The following KLRD1 variants were observed in gnomAD, a reference collection of about 807,000 sequenced individuals.
KLRD1 encodes the protein natural killer cells antigen CD94.
Under a neutral mutation model 22.6 loss-of-function variants are expected in KLRD1, and 21 were observed. The observed-to-expected ratio is 0.93, with a 90% confidence interval of 0.66 to 1.34. The LOEUF is 1.34. Ranked by LOEUF, KLRD1 falls within the 40% of genes most tolerant of loss-of-function variation. KLRD1 has a pLI of 0.00. For missense variants in KLRD1, 183 were observed against 208.6 expected (o/e 0.88, Z 0.76); for synonymous variants, 59 against 71.1 (o/e 0.83, Z 0.85).
chr12:10,290,727 G>A (rs1274490733), intron 1 of KLRD1, among the ~76,000 whole-genome samples: 1 of 152,168 alleles, frequency 6.6e-6, no homozygotes, highest in Non-Finnish European at 1.5e-5. Context: ...CCATGCTGCA[G>A]AGTAACAAAA....
chr12:10,251,777 G>A (rs760184984), intron 1 of KLRD1, among the ~76,000 whole-genome samples: 2 of 151,902 alleles, frequency 1.3e-5, no homozygotes, highest in African/African-American at 4.8e-5. Context: ...TAGATCCCTC[G>A]CATGTGCAGT....
chr12:10,300,183 C>T (rs1265774997), upstream of KLRD1, among the ~76,000 whole-genome samples: 1 of 152,148 alleles, frequency 6.6e-6, no homozygotes, highest in African/African-American at 2.4e-5. Context: ...GTGACTCCAT[C>T]CCAGAAAGTT....
At chr12:10,255,987 A>G (rs1949391628) in intron 1 of KLRD1, among the ~76,000 whole-genome samples, 1 of 152,082 alleles carries the variant, frequency 6.6e-6, no homozygotes, top group Admixed American at 6.5e-5. Context: ...AGTTTGTTTC[A>G]TATATTTAAA....
intron 1 of KLRD1, among the ~76,000 whole-genome samples, chr12:10,256,533 T>G (rs1171885145): frequency 1.3e-5 from 2 of 151,452 alleles, no homozygotes; most frequent in East Asian, 1.9e-4. Context: ...TATTTAAAAT[T>G]TTTAACAACC....
intron 1 of KLRD1, among the ~76,000 whole-genome samples, chr12:10,284,031 A>T (rs1405762618): frequency 6.6e-6 from 1 of 150,500 alleles, no homozygotes; most frequent in African/African-American, 2.4e-5. Flanking sequence ...CAAAAAAAAA[A>T]AAAAAAATAG....
At chr12:10,281,099 G>A (rs963290120) in intron 1 of KLRD1, among the ~76,000 whole-genome samples, 4 of 152,100 alleles carry the variant, frequency 2.6e-5, no homozygotes, top group African/African-American at 4.8e-5. Context: ...GGATTATTTT[G>A]GATTATCAAA....
At chr12:10,280,092 C>T (rs1440593296) in intron 1 of KLRD1, among the ~76,000 whole-genome samples, 1 of 152,214 alleles carries the variant, frequency 6.6e-6, no homozygotes, top group African/African-American at 2.4e-5. Flanking sequence ...ACAATCGTTA[C>T]AATAACATCG....
intron 1 of KLRD1, among the ~76,000 whole-genome samples, chr12:10,282,768 A>G (rs2137655962): frequency 6.6e-6 from 1 of 152,298 alleles, no homozygotes. Flanking sequence ...TCATTTGAGT[A>G]ATGTCAAATG....
rs538162884 is a variant in KLRD1 at position 10,239,936 on chromosome 12, C to A, written c.-101+13703C>A. Among the ~76,000 whole-genome samples the A allele has an allele frequency of 6.6e-5, 10 of 151,374 alleles. 1 individual carries two copies. The South Asian group carries it at 1.2e-3, about 19-fold the overall frequency. On this transcript the variant is annotated intron_variant, in intron 1 of 5. Transcript: ENST00000544747. Reference sequence around the variant, plus strand: ...GGATTACAGACGTGAGCCACTTTTTCTCTTTCTTAAAACATTTTGCCCAAT... The same window carrying A: ...GGATTACAGACGTGAGCCACTTTTTATCTTTCTTAAAACATTTTGCCCAAT...
At chr12:10,295,169 T>A (rs1949810629) in intron 1 of KLRD1, among the ~76,000 whole-genome samples, 1 of 152,222 alleles carries the variant, frequency 6.6e-6, no homozygotes, top group Non-Finnish European at 1.5e-5. Flanking sequence ...ATTTTTTCTG[T>A]CCTTTTAGAT....
intron 1 of KLRD1, among the ~76,000 whole-genome samples, chr12:10,283,822 A>G (rs1949670122): frequency 6.6e-6 from 1 of 152,066 alleles, no homozygotes; most frequent in African/African-American, 2.4e-5. Context: ...AAGAAACCAA[A>G]TCTATCAATG....
At chr12:10,271,843 G>A (rs1164691236) in intron 1 of KLRD1, among the ~76,000 whole-genome samples, 5 of 108,990 alleles carry the variant, frequency 4.6e-5, no homozygotes, top group Non-Finnish European at 8.3e-5. Flanking sequence ...TTTGTGAAAT[G>A]TGGTAAATTC....
chr12:10,303,684 C>A (rs764104994), upstream of KLRD1, among the ~76,000 whole-genome samples: 1 of 152,114 alleles, frequency 6.6e-6, no homozygotes, highest in Non-Finnish European at 1.5e-5. Flanking sequence ...ATTTTAGTCT[C>A]CTGCTATCAT....
intron 1 of KLRD1, among the ~76,000 whole-genome samples, chr12:10,264,659 C>T (rs1176578952): frequency 7.1e-6 from 1 of 140,322 alleles, no homozygotes; most frequent in Non-Finnish European, 1.5e-5. Flanking sequence ...CTTAATATGT[C>T]CATCGTCTCA....
At chr12:10,278,001 A>T (rs1658362820) in intron 1 of KLRD1, among the ~76,000 whole-genome samples, 1 of 152,228 alleles carries the variant, frequency 6.6e-6, no homozygotes, top group African/African-American at 2.4e-5. Context: ...TATTCTGGAC[A>T]TGACAACACA....
chr12:10,240,423 G>C (rs1427793872), intron 1 of KLRD1, among the ~76,000 whole-genome samples: 2 of 151,234 alleles, frequency 1.3e-5, no homozygotes, highest in Non-Finnish European at 2.9e-5. Context: ...TTCATGCCAT[G>C]ATCTTATTCT....
At chr12:10,252,293 A>G (rs1002993765) in intron 1 of KLRD1, among the ~76,000 whole-genome samples, 2 of 152,120 alleles carry the variant, frequency 1.3e-5, no homozygotes, top group African/African-American at 2.4e-5. Context: ...AAATAATACA[A>G]AAATTAGCTG....
At chr12:10,265,234 T>G (rs969175423) in intron 1 of KLRD1, among the ~76,000 whole-genome samples, 6 of 152,198 alleles carry the variant, frequency 3.9e-5, no homozygotes, top group Non-Finnish European at 7.4e-5. Flanking sequence ...ATATTATATA[T>G]AGACATACAC....
chr12:10,261,086 A>C (rs905778424), intron 1 of KLRD1, among the ~76,000 whole-genome samples: 1 of 152,204 alleles, frequency 6.6e-6, no homozygotes, highest in Admixed American at 6.5e-5. Flanking sequence ...TGATGTGTAT[A>C]TACAAGTTCA....
Sources: gnomAD v4.1 joint callset for allele counts (sites outside exome capture counted in the v4.1 genomes callset) on GRCh38, gnomAD v4.1.1 for gene constraint, MANE v1.5 for transcripts, NCBI Gene and HGNC (gene_info 2026-07-23, HGNC 2026-07-21) for gene names.